SPTLC3: variants seen among roughly 807,000 people sequenced by gnomAD.
SPTLC3 encodes the protein serine palmitoyltransferase long chain base subunit 3.
In SPTLC3, 36 loss-of-function variants were observed where a neutral mutation model predicts 59.3. The observed-to-expected ratio is 0.61, with a 90% CI of 0.47 to 0.80. SPTLC3 has a LOEUF of 0.80. SPTLC3 is among the 30% of genes least tolerant of loss of function. SPTLC3 has a pLI of 0.00. For missense variants in SPTLC3, 625 were observed against 685.1 expected, an observed-to-expected ratio of 0.91 and a Z score of 0.98; for synonymous variants, 257 against 240.8, an observed-to-expected ratio of 1.07 and a Z score of -0.62.
In SPTLC3 at chr20:13,025,941, T is replaced by C. The variant is rs142327745; in HGVS notation, c.117+16557T>C. On this transcript the variant is annotated intron_variant, in intron 1 of 11. Coordinates refer to ENST00000399002, the MANE Select transcript of SPTLC3 (RefSeq NM_018327.4). ...TGTTCCTCTATACCTGTCCATGTGT[T>C]CTAGGCATTTAGCTCCCACTTCTGA... Among the ~76,000 whole-genome samples the C allele has an allele frequency of 1.8e-4, 27 of 152,274 alleles. No individual in the cohort carries two copies. The East Asian group carries it at 5.2e-3, about 29-fold the overall frequency.
intron 1 of SPTLC3, among the ~76,000 whole-genome samples, chr20:13,020,440 A>G (rs1985819253): frequency 6.6e-6 from 1 of 151,938 alleles, no homozygotes; most frequent in Non-Finnish European, 1.5e-5. Flanking sequence ...AAGTGGGAGG[A>G]CCACTTGAGC....
chr20:13,087,114 C>A (rs1989030533), intron 4 of SPTLC3, among the ~76,000 whole-genome samples: 1 of 152,228 alleles, frequency 6.6e-6, no homozygotes, highest in Non-Finnish European at 1.5e-5. Context: ...GTCTTTAAGC[C>A]AGGTCTAATG....
At chr20:13,061,377 G>A (rs899084363) in intron 2 of SPTLC3, among the ~76,000 whole-genome samples, 1 of 152,088 alleles carries the variant, frequency 6.6e-6, no homozygotes, top group Admixed American at 6.6e-5. Context: ...ATAGAAAAAG[G>A]TCAGCCCATC....
intron 1 of SPTLC3, among the ~76,000 whole-genome samples, chr20:13,036,671 T>C (rs1388028067): frequency 1.3e-5 from 2 of 152,078 alleles, no homozygotes; most frequent in African/African-American, 4.8e-5. Context: ...AACCCCCATG[T>C]TGTTCAAGGG....
chr20:13,048,110 A>C (rs1312350337), intron 1 of SPTLC3, among the ~76,000 whole-genome samples: 2 of 152,214 alleles, frequency 1.3e-5, no homozygotes, highest in East Asian at 3.8e-4. Flanking sequence ...TAAAGGGATC[A>C]GTGCAACAAG....
At chr20:13,043,687 A>C (rs1987094428) in intron 1 of SPTLC3, among the ~76,000 whole-genome samples, 2 of 152,310 alleles carry the variant, frequency 1.3e-5, no homozygotes, top group African/African-American at 2.4e-5. Flanking sequence ...TAATCTATTA[A>C]ATATTTTTCT....
Position 13,010,978 on chromosome 20 carries a change from G to A in SPTLC3, c.117+1594G>A, listed in dbSNP as rs145716623. ...ACTGTAAATATCCTTGGACACTGAG[G>A]CTTCCCTAAGAACGGTCGAAAACAT... On this transcript the variant is annotated intron_variant, in intron 1 of 11. Coordinates refer to ENST00000399002, the MANE Select transcript of SPTLC3 (RefSeq NM_018327.4). Among the ~76,000 whole-genome samples, 701 of 152,232 alleles carry A rather than the reference G, an allele frequency of 4.6e-3. 10 individuals are homozygous for A. The highest frequency in any genetic ancestry group is 0.016 in the African/African-American group (674 of 41,536).
chr20:13,141,439 T>G (rs1244037802), intron 9 of SPTLC3, among the ~76,000 whole-genome samples: 1 of 152,246 alleles, frequency 6.6e-6, no homozygotes, highest in African/African-American at 2.4e-5. Context: ...TTTCTCAGTG[T>G]CTACCTTGGA....
At chr20:13,056,327 G>A (rs1987722051) in intron 2 of SPTLC3, among the ~76,000 whole-genome samples, 1 of 151,962 alleles carries the variant, frequency 6.6e-6, no homozygotes, top group African/African-American at 2.4e-5. Flanking sequence ...TTTATTATTT[G>A]TTCAATTTGA....
intron 3 of SPTLC3, among the ~76,000 whole-genome samples, chr20:13,072,937 A>G (rs1368197032): frequency 6.6e-6 from 1 of 152,240 alleles, no homozygotes; most frequent in Non-Finnish European, 1.5e-5. Flanking sequence ...TTGTTGATGC[A>G]TAATACATGT....
chr20:13,156,742 A>G (rs74600693), intron 10 of SPTLC3, among the ~76,000 whole-genome samples: 4 of 152,336 alleles, frequency 2.6e-5, no homozygotes, highest in Admixed American at 2.6e-4. Flanking sequence ...AGTAGTTGGC[A>G]TGCCATAAGC....
chr20:13,075,422 C>A (rs10485764), intron 4 of SPTLC3, among the ~76,000 whole-genome samples: 12,932 of 152,208 alleles, frequency 0.085, 619 homozygotes, highest in Non-Finnish European at 0.11. Flanking sequence ...TCTTAGGTAA[C>A]CAATTAGTAG....
At chr20:13,132,764 A>G (rs1600349078) in intron 9 of SPTLC3, 1 of 152,134 alleles carries the variant, frequency 6.6e-6, no homozygotes, top group East Asian at 1.9e-4. Flanking sequence ...CTCTTTTCAC[A>G]AACTTGCACT....
intron 1 of SPTLC3, among the ~76,000 whole-genome samples, chr20:13,036,232 T>C (rs1874377811): frequency 6.6e-6 from 1 of 152,140 alleles, no homozygotes; most frequent in Non-Finnish European, 1.5e-5. Context: ...TTAGGATCTA[T>C]TTATACACTG....
chr20:13,116,311 C>T (rs2122734317), intron 7 of SPTLC3, among the ~76,000 whole-genome samples: 1 of 152,308 alleles, frequency 6.6e-6, no homozygotes, highest in Admixed American at 6.5e-5. Flanking sequence ...CTTGAACTAA[C>T]CTAAACGGTT....
chr20:13,099,802 T>G (rs1049857368), intron 6 of SPTLC3, among the ~76,000 whole-genome samples: 7 of 152,224 alleles, frequency 4.6e-5, no homozygotes, highest in Admixed American at 4.6e-4. Context: ...ATCCTTCATA[T>G]GCATCCACAC....
At chr20:13,150,408 C>T (rs1410310291) in intron 9 of SPTLC3, among the ~76,000 whole-genome samples, 1 of 152,158 alleles carries the variant, frequency 6.6e-6, no homozygotes, top group Non-Finnish European at 1.5e-5. Context: ...GGATTCCTTA[C>T]TTGTGTTCAC....
chr20:13,160,804 C>T (rs2038880505), intron 11 of SPTLC3, among the ~76,000 whole-genome samples: 2 of 152,128 alleles, frequency 1.3e-5, no homozygotes, highest in South Asian at 4.2e-4. Flanking sequence ...TAATACCAGA[C>T]AGAATGAATG....
Position 13,167,463 on chromosome 20 carries a change from A to C in SPTLC3, c.*2596A>C, listed in dbSNP as rs894733377. 4.6e-5 allele frequency: 7 copies of C among 152,220 alleles called. No individual in the cohort carries two copies. Among genetic ancestry groups the C allele is most frequent in the African/African-American group, 1.7e-4 (7 of 41,448 alleles). 9.4% of individuals were successfully genotyped at this position (152,220 alleles called of 1,614,324 possible). A position where few individuals can be genotyped will look rare whatever the true frequency, so the allele number is the denominator to read the frequency against. On this transcript the variant is annotated 3_prime_UTR_variant, in exon 12 of 12. Coordinates refer to ENST00000399002, the MANE Select transcript of SPTLC3 (RefSeq NM_018327.4). ...TCTGTTCACATTTACACACATGCAC[A>C]CACACATACACATATGCATTTTTCC... is the stretch of plus-strand genomic sequence containing the variant.
Sources: gnomAD v4.1 joint callset for allele counts (sites outside exome capture counted in the v4.1 genomes callset) on GRCh38, gnomAD v4.1.1 for gene constraint, MANE v1.5 for transcripts, NCBI Gene and HGNC (gene_info 2026-07-23, HGNC 2026-07-21) for gene names.